Variants in PDE4B observed in about 807,000 individuals in gnomAD.
The protein encoded by PDE4B is phosphodiesterase 4B, also known as 3',5'-cyclic-AMP phosphodiesterase 4B.
In PDE4B, 20 loss-of-function variants were observed where a neutral mutation model predicts 82.2. The ratio of observed to expected loss-of-function variants is 0.24; its 90% confidence interval spans 0.17 to 0.35. The LOEUF (loss-of-function observed/expected upper bound fraction) is 0.35. Among genes scored for constraint, PDE4B ranks in the 10% least tolerant of loss-of-function variants. The pLI, the probability that PDE4B is intolerant of heterozygous loss-of-function variation, is 1.00. For missense variants in PDE4B, 655 were observed against 907.2 expected (o/e 0.72, Z 3.57); for synonymous variants, 320 against 318.9 (o/e 1.00, Z -0.04).
intron 3 of PDE4B, among the ~76,000 whole-genome samples, chr1:66,216,257 A>G (rs1650447804): frequency 6.6e-6 from 1 of 151,394 alleles, no homozygotes. Context: ...TATCTATTTC[A>G]ATTGATAGGT....
At chr1:66,205,028 C>A (rs114911751) in intron 3 of PDE4B, among the ~76,000 whole-genome samples, 2 of 152,174 alleles carry the variant, frequency 1.3e-5, no homozygotes, top group Admixed American at 6.5e-5. Context: ...GGTAGTTCAG[C>A]CTTTTCCAAC....
chr1:66,364,796 G>T (rs186147210), intron 12 of PDE4B, among the ~76,000 whole-genome samples: 1 of 152,282 alleles, frequency 6.6e-6, no homozygotes, highest in Non-Finnish European at 1.5e-5. Context: ...TATACCTGCT[G>T]TGTGGCCAGA....
chr1:66,164,093 A>G (rs1646671361), intron 3 of PDE4B, among the ~76,000 whole-genome samples: 1 of 152,210 alleles, frequency 6.6e-6, no homozygotes, highest in African/African-American at 2.4e-5. Flanking sequence ...GCTAGAAACC[A>G]AAATTTACTC....
intron 3 of PDE4B, among the ~76,000 whole-genome samples, chr1:66,194,823 G>A (rs1339168739): frequency 1.3e-5 from 2 of 151,930 alleles, no homozygotes; most frequent in African/African-American, 4.8e-5. Context: ...TGTATCTCTA[G>A]GGCCTTCCCC....
At chr1:65,987,011 TGAA>T (rs1264591930) in intron 3 of PDE4B, among the ~76,000 whole-genome samples, 1 of 152,126 alleles carries the variant, frequency 6.6e-6, no homozygotes, top group African/African-American at 2.4e-5. Context: ...CCAGTGTGGC[TGAA>T]GAAGAACTAG....
intron 1 of PDE4B, among the ~76,000 whole-genome samples, chr1:65,807,586 C>T (rs761548812): frequency 4.6e-5 from 7 of 152,194 alleles, no homozygotes; most frequent in African/African-American, 1.7e-4. Flanking sequence ...CACCAACTGT[C>T]GATTGTAGTG....
At chr1:66,110,911 A>G (rs1645473086) in intron 3 of PDE4B, among the ~76,000 whole-genome samples, 1 of 150,814 alleles carries the variant, frequency 6.6e-6, no homozygotes, top group Non-Finnish European at 1.5e-5. Flanking sequence ...GCTTGTAGAA[A>G]AGCTTTGGAA....
In PDE4B at chr1:66,277,795, T is replaced by C. The variant is rs1474695563; in HGVS notation, c.634+11708T>C. 2.0e-5 allele frequency among the ~76,000 whole-genome samples: 3 copies of C among 152,246 alleles called. No individual in the cohort carries two copies. The East Asian group carries it at 5.8e-4, about 29-fold the overall frequency. On this transcript the variant is annotated intron_variant, in intron 7 of 16. Coordinates refer to ENST00000341517, the MANE Select transcript of PDE4B (RefSeq NM_002600.4). ...ACCTGTATTTTCTCTGTAATAATACTCAGCTCCTGCCCCTTCCATGTACCT... is the reference window on the plus strand; with the variant it reads ...ACCTGTATTTTCTCTGTAATAATACCCAGCTCCTGCCCCTTCCATGTACCT...
At chr1:65,948,525 GTCTGTT>G (rs1648829803) in intron 3 of PDE4B, among the ~76,000 whole-genome samples, 1 of 151,870 alleles carries the variant, frequency 6.6e-6, no homozygotes, top group African/African-American at 2.4e-5. Flanking sequence ...ACGTTTTTCT[GTCTGTT>G]TTATATTCAC....
intron 1 of PDE4B, among the ~76,000 whole-genome samples, chr1:65,850,442 G>C (rs548491335): frequency 6.6e-6 from 1 of 152,062 alleles, no homozygotes; most frequent in Non-Finnish European, 1.5e-5. Flanking sequence ...GTGTAGAATG[G>C]TGTAGTGAAC....
At chr1:66,082,382 G>C (rs569257334) in intron 3 of PDE4B, among the ~76,000 whole-genome samples, 2 of 152,116 alleles carry the variant, frequency 1.3e-5, no homozygotes, top group Admixed American at 6.6e-5. Flanking sequence ...GAAGTACAAG[G>C]TATAAAAAAG....
At chr1:65,914,474 T>TC (rs1569661364) in intron 2 of PDE4B, among the ~76,000 whole-genome samples, 1 of 151,918 alleles carries the variant, frequency 6.6e-6, no homozygotes, top group East Asian at 1.9e-4. Context: ...CTTCTTCTTT[T>TC]TTTTTTTTCT....
At chr1:66,321,836 T>A (rs1263239818) in intron 7 of PDE4B, among the ~76,000 whole-genome samples, 1 of 152,140 alleles carries the variant, frequency 6.6e-6, no homozygotes, top group East Asian at 1.9e-4. Flanking sequence ...AAAGCTCATA[T>A]GGAACCAAAA....
intron 6 of PDE4B, 69 bp from the exon 7 acceptor site, chr1:66,265,969 T>C (rs1655004304): frequency 9.2e-7 from 1 of 1,084,736 alleles, no homozygotes; most frequent in Admixed American, 1.7e-5. Flanking sequence ...ACCATGAGGG[T>C]GGGGTGTCGG....
intron 3 of PDE4B, among the ~76,000 whole-genome samples, chr1:66,137,041 G>T (rs1333367993): frequency 6.6e-6 from 1 of 152,168 alleles, no homozygotes; most frequent in Non-Finnish European, 1.5e-5. Context: ...AAATGGCAAG[G>T]GTTTTTGAGA....
At chr1:65,978,325 G>T (rs1033036401) in intron 3 of PDE4B, among the ~76,000 whole-genome samples, 5 of 151,898 alleles carry the variant, frequency 3.3e-5, no homozygotes, top group African/African-American at 1.2e-4. Flanking sequence ...ACTGCTCCTG[G>T]GTGCACTACC....
chr1:66,203,609 C>T (rs1389479997), intron 3 of PDE4B, among the ~76,000 whole-genome samples: 1 of 152,148 alleles, frequency 6.6e-6, no homozygotes, highest in African/African-American at 2.4e-5. Flanking sequence ...CATCTTCCAT[C>T]ACTGATACCC....
chr1:66,276,737 C>T (rs1655906342), intron 7 of PDE4B, among the ~76,000 whole-genome samples: 1 of 152,126 alleles, frequency 6.6e-6, no homozygotes, highest in Non-Finnish European at 1.5e-5. Flanking sequence ...TGTATTCAGA[C>T]CCTGATCTCA....
chr1:66,199,572 C>T (rs1167301581), intron 3 of PDE4B, among the ~76,000 whole-genome samples: 1 of 151,600 alleles, frequency 6.6e-6, no homozygotes, highest in East Asian at 1.9e-4. Context: ...TAAGTTGCCT[C>T]CCATTTTGTA....
Sources: allele counts gnomAD v4.1 joint callset (sites outside exome capture counted in the v4.1 genomes callset), GRCh38; gene constraint gnomAD v4.1.1; transcripts MANE v1.5; gene names NCBI Gene and HGNC (gene_info 2026-07-23, HGNC 2026-07-21).